The following DUSP22 variants were observed in gnomAD, a reference collection of about 807,000 sequenced individuals.
The protein encoded by DUSP22 is dual specificity protein phosphatase 22.
In DUSP22, 24 loss-of-function variants were observed where a neutral mutation model predicts 24.5. That is an observed-to-expected ratio of 0.98 (90% CI 0.71 to 1.38). The LOEUF (loss-of-function observed/expected upper bound fraction) is 1.38. Ranked by LOEUF, DUSP22 falls within the 40% of genes most tolerant of loss-of-function variation. The pLI, the probability that DUSP22 is intolerant of heterozygous loss-of-function variation, is 0.00. For synonymous variants in DUSP22, 160 were observed against 106.4 expected (o/e 1.50, Z -3.10); for missense variants, 330 against 269.2 (o/e 1.23, Z -1.58).
In DUSP22 at chr6:349,166, T is replaced by C. The variant is rs2666939; in HGVS notation, c.*215T>C. On this transcript the variant is annotated 3_prime_UTR_variant, in exon 7 of 7. Transcript: ENST00000419235. Reference sequence around the variant, plus strand: ...TGGCTGCACCTGAGCTTGCTGCCCCTGGGGATGTTGCCCAGTGGCTGTGCA... The same window carrying C: ...TGGCTGCACCTGAGCTTGCTGCCCCCGGGGATGTTGCCCAGTGGCTGTGCA... 1 allele frequency: 1,430,255 copies of C among 1,431,278 alleles called. 714,616 individuals are homozygous for C. The highest frequency in any genetic ancestry group is 1 in the Non-Finnish European group (1,097,945 of 1,098,054). 88.7% of individuals were successfully genotyped at this position (1,431,278 alleles called of 1,614,324 possible). A position where few individuals can be genotyped will look rare whatever the true frequency, so the allele number is the denominator to read the frequency against.
At chr6:308,868 A>G in intron 2 of DUSP22, among the ~76,000 whole-genome samples, 1 of 152,426 alleles carries the variant, frequency 6.6e-6, no homozygotes, top group East Asian at 1.9e-4. Context: ...GCCAGGTGGA[A>G]TGGGTGTCTG....
intron 2 of DUSP22, among the ~76,000 whole-genome samples, chr6:309,171 C>A: frequency 6.6e-6 from 1 of 152,424 alleles, no homozygotes; most frequent in South Asian, 2.1e-4. Context: ...GCAGTGAGTC[C>A]CCATGTGCTA....
intron 3 of DUSP22, among the ~76,000 whole-genome samples, chr6:326,430 G>T (rs1020618444): frequency 8.7e-5 from 13 of 149,170 alleles, no homozygotes; most frequent in Non-Finnish European, 1.5e-4. Context: ...TGTATCTGCT[G>T]GTGCCTGGAG....
intron 3 of DUSP22, among the ~76,000 whole-genome samples, chr6:328,303 C>T (rs3800248): frequency 0.046 from 6,957 of 150,136 alleles, 10 homozygotes; most frequent in East Asian, 0.23. Flanking sequence ...AGTGGTGAGA[C>T]GGAGCTAGAG....
At chr6:332,992 T>A (rs1759203718) in intron 3 of DUSP22, among the ~76,000 whole-genome samples, 1 of 152,308 alleles carries the variant, frequency 6.6e-6, no homozygotes, top group Admixed American at 6.5e-5. Flanking sequence ...CAGGAGGTGA[T>A]CAATGTATGT....
chr6:321,558 C>T (rs574594313), intron 3 of DUSP22, among the ~76,000 whole-genome samples: 5 of 152,410 alleles, frequency 3.3e-5, no homozygotes, highest in African/African-American at 1.2e-4. Flanking sequence ...CAGATTTGAT[C>T]TGAAAATCTT....
At chr6:319,620 T>G (rs1320817683) in intron 3 of DUSP22, among the ~76,000 whole-genome samples, 6 of 152,294 alleles carry the variant, frequency 3.9e-5, no homozygotes, top group African/African-American at 1.4e-4. Flanking sequence ...CCATTTGCGT[T>G]GGCCATTGTT....
In DUSP22 at chr6:349,635, G is replaced by A; in HGVS notation, c.*684G>A. ...CTCTGGGGCCCTGGAAAACGTGAGA[G>A]ACTGCCCTGAGCTGGTCCAGTGGGC... On this transcript the variant is annotated 3_prime_UTR_variant, in exon 7 of 7. Transcript: ENST00000419235. 2.0e-6 allele frequency: 2 copies of A among 987,306 alleles called. No individual in the cohort carries two copies. The highest frequency in any genetic ancestry group is 2.4e-6 in the Non-Finnish European group (2 of 831,410). 61.2% of individuals were successfully genotyped at this position (987,306 alleles called of 1,614,324 possible).
intron 3 of DUSP22, among the ~76,000 whole-genome samples, chr6:333,070 A>G (rs1692905160): frequency 6.6e-6 from 1 of 152,306 alleles, no homozygotes; most frequent in Non-Finnish European, 1.5e-5. Flanking sequence ...TAACAATAAT[A>G]CTTCCTTTTC....
intron 2 of DUSP22, among the ~76,000 whole-genome samples, chr6:308,630 A>G (rs890645507): frequency 6.6e-6 from 1 of 152,300 alleles, no homozygotes; most frequent in South Asian, 2.1e-4. Flanking sequence ...TTTTTTCCCC[A>G]GGCCACTTTA....
intron 3 of DUSP22, among the ~76,000 whole-genome samples, chr6:324,431 C>T (rs972220778): frequency 6.6e-6 from 1 of 152,306 alleles, no homozygotes; most frequent in Non-Finnish European, 1.5e-5. Context: ...CCGCGGAGCA[C>T]AGGAATGCAG....
At position 350,864 on chromosome 6, in the gene DUSP22, T is replaced by A. The variant is rs368530752; in HGVS notation, c.*1913T>A. 1.2e-5 allele frequency: 19 copies of A among 1,614,120 alleles called. No homozygotes were observed. The highest frequency in any genetic ancestry group is 1.5e-5 in the Non-Finnish European group (18 of 1,180,004). ...AAGTTCTGGGCCTTTCTCAGAAGACTGTAATGTACCTGAAGTTTCTGAAAT... is the reference window on the plus strand; with the variant it reads ...AAGTTCTGGGCCTTTCTCAGAAGACAGTAATGTACCTGAAGTTTCTGAAAT... On this transcript the variant is annotated 3_prime_UTR_variant, in exon 7 of 7. Transcript: ENST00000419235.
intron 1 of DUSP22, among the ~76,000 whole-genome samples, 158 bp from the exon 2 acceptor site, chr6:304,470 G>T (rs551794261): frequency 2.2e-4 from 33 of 152,420 alleles, no homozygotes; most frequent in African/African-American, 7.7e-4. Flanking sequence ...TCCACAGGCC[G>T]CTGGGGATGT....
At position 315,993 on chromosome 6, in the gene DUSP22, C is replaced by T. The variant is rs560645335; in HGVS notation, c.138+4031C>T. On this transcript the variant is annotated intron_variant, in intron 3 of 6. Coordinates refer to ENST00000419235, the MANE Select transcript of DUSP22 (RefSeq NM_001286555.3). ...CTGTGGAAGCCCAGAGAATGAGATCCTTCTTCTGCCGTTGAATCTGGAGAC... is the reference window on the plus strand; with the variant it reads ...CTGTGGAAGCCCAGAGAATGAGATCTTTCTTCTGCCGTTGAATCTGGAGAC... Among the ~76,000 whole-genome samples, 16 of 152,422 alleles carry T rather than the reference C, an allele frequency of 1.0e-4. No homozygotes were observed. In the East Asian group the frequency reaches 2.9e-3, roughly 28 times the overall value.
chr6:335,047 T>C (rs1007121242), intron 3 of DUSP22, 67 bp from the exon 4 acceptor site: 25 of 1,555,806 alleles, frequency 1.6e-5, no homozygotes, highest in East Asian at 4.5e-5. Context: ...AAATAGTTCC[T>C]TAAATACTTT....
At chr6:325,244 T>A in intron 3 of DUSP22, 1 of 250,970 alleles carries the variant, frequency 4.0e-6, no homozygotes. Flanking sequence ...CTATATCTGC[T>A]GGTGCCTGGA....
At chr6:338,590 C>G (rs571487927) in intron 4 of DUSP22, among the ~76,000 whole-genome samples, 1 of 152,418 alleles carries the variant, frequency 6.6e-6, no homozygotes, top group South Asian at 2.1e-4. Flanking sequence ...TTACCTGTCA[C>G]TTGGAAACTG....
intron 1 of DUSP22, among the ~76,000 whole-genome samples, chr6:303,131 C>T (rs1757661367): frequency 6.6e-6 from 1 of 152,284 alleles, no homozygotes; most frequent in Non-Finnish European, 1.5e-5. Flanking sequence ...CTAAAAAAGG[C>T]AGGAGAGACC....
At position 292,532 on chromosome 6, in the gene DUSP22, C is replaced by T. The variant is rs764966434; in HGVS notation, c.-8C>T. 4.4e-6 allele frequency: 7 copies of T among 1,605,770 alleles called. No homozygotes were observed. In the Admixed American group the frequency reaches 5.1e-5, roughly 12 times the overall value. ...CGGCCGGGGCGCTAGCGTTCGCCTT[C>T]AGCCACCATGGGGAATGGGATGAAC... On this transcript the variant is annotated 5_prime_UTR_variant, in exon 1 of 7. Coordinates refer to ENST00000419235, the MANE Select transcript of DUSP22 (RefSeq NM_001286555.3).
Sources: allele counts gnomAD v4.1 joint callset (sites outside exome capture counted in the v4.1 genomes callset), GRCh38; gene constraint gnomAD v4.1.1; transcripts MANE v1.5; gene names NCBI Gene and HGNC (gene_info 2026-07-23, HGNC 2026-07-21).